The following BRSK1 variants were observed in gnomAD, a reference collection of about 807,000 sequenced individuals.
The protein encoded by BRSK1 is serine/threonine-protein kinase BRSK1.
Under a neutral mutation model 86.2 loss-of-function variants are expected in BRSK1, and 17 were observed. That is an observed-to-expected ratio of 0.20 (90% CI 0.14 to 0.30). BRSK1 has a LOEUF of 0.30. BRSK1 is among the 10% of genes least tolerant of loss of function. The probability of loss-of-function intolerance (pLI) is 1.00; values close to 1 mark genes in which losing one functional copy is unlikely to be tolerated. For synonymous variants in BRSK1, 464 were observed against 440.1 expected, an observed-to-expected ratio of 1.05 and a Z score of -0.68; for missense variants, 719 against 1,071.9, an observed-to-expected ratio of 0.67 and a Z score of 4.60.
At chr19:55,305,093 G>A (rs1359339494) in intron 14 of BRSK1, among the ~76,000 whole-genome samples, 173 bp downstream of exon 14, 3 of 152,144 alleles carry the variant, frequency 2.0e-5, no homozygotes, top group Admixed American at 1.3e-4. Flanking sequence ...GGAGAGAGGT[G>A]GGGCCTCTAG....
chr19:55,300,695 C>T (rs779500634), intron 7 of BRSK1, among the ~76,000 whole-genome samples: 9 of 152,102 alleles, frequency 5.9e-5, no homozygotes, highest in Non-Finnish European at 8.8e-5. Flanking sequence ...AAAAATTAGC[C>T]GGGCATAGTG....
At chr19:55,298,199 T>G (rs1346589786) in intron 7 of BRSK1, among the ~76,000 whole-genome samples, 2 of 149,644 alleles carry the variant, frequency 1.3e-5, no homozygotes, top group East Asian at 2.0e-4. Context: ...TTCTTTTTTT[T>G]TTGTTTCTTC....
intron 7 of BRSK1, among the ~76,000 whole-genome samples, chr19:55,298,806 C>T (rs574721380): frequency 1.3e-5 from 2 of 152,146 alleles, no homozygotes; most frequent in African/African-American, 2.4e-5. Context: ...TCTGAAGTGC[C>T]GTCTGGTGTT....
In BRSK1 at chr19:55,311,984, A is replaced by G. The variant is rs1268352123; in HGVS notation, c.2253A>G (p.Pro751=). The change falls in exon 19 of 19, where the codon CCA becomes CCG. Residue 751 remains proline, a synonymous_variant. Transcript: ENST00000309383. ...PRSLQPPPGR[P]DPELSSSPRR... ...GCCTGCAGCCCCCACCCGGCCGCCC[A>G]GACCCAGAGCTGAGCAGCTCTCCCC... is the stretch of plus-strand genomic sequence containing the variant. The G allele has an allele frequency of 1.5e-6, 2 of 1,305,872 alleles. No homozygotes were observed. The highest frequency in any genetic ancestry group is 1.7e-5 in the African/African-American group (1 of 60,290). 80.9% of individuals were successfully genotyped at this position (1,305,872 alleles called of 1,614,324 possible). A position where few individuals can be genotyped will look rare whatever the true frequency, so the allele number is the denominator to read the frequency against.
intron 4 of BRSK1, among the ~76,000 whole-genome samples, chr19:55,291,040 C>T (rs956500814): frequency 2.0e-5 from 3 of 152,038 alleles, no homozygotes; most frequent in African/African-American, 7.3e-5. Flanking sequence ...AGTTATAGCT[C>T]TTGCATTTAG....
At chr19:55,291,908 G>A (rs943750591) in intron 4 of BRSK1, among the ~76,000 whole-genome samples, 1 of 152,024 alleles carries the variant, frequency 6.6e-6, no homozygotes, top group African/African-American at 2.4e-5. Flanking sequence ...ACAGGCACCC[G>A]CCACCATGCC....
chr19:55,299,586 A>G (rs1461734154), intron 7 of BRSK1, among the ~76,000 whole-genome samples: 1 of 152,068 alleles, frequency 6.6e-6, no homozygotes, highest in Non-Finnish European at 1.5e-5. Flanking sequence ...GGGTTTCACC[A>G]CGTTGGCCAG....
In BRSK1 at chr19:55,305,575, G is replaced by A; in HGVS notation, c.1879G>A (p.Ala627Thr). 6.2e-7 allele frequency: 1 copy of A among 1,614,154 alleles called. No homozygotes were observed. ...LSSIKADIVH[A>T]FLSIPSLSHS... Reference sequence around the variant, plus strand: ...CAGCATCAAAGCAGACATCGTCCATGCCTTTCTGTCGGTGAGGGGCCTGGG... The same window carrying A: ...CAGCATCAAAGCAGACATCGTCCATACCTTTCTGTCGGTGAGGGGCCTGGG... Residue 627 changes from alanine (A) to threonine (T), a missense_variant, in exon 16 of 19, where the codon GCC becomes ACC. By Grantham distance (58) the Ala-to-Thr change is moderately conservative. This residue lies in a region of BRSK1 where 180 missense variants were observed against 259.4 expected (regional missense o/e 0.69). Transcript: ENST00000309383.
At chr19:55,286,304 C>T (rs1293323727) in intron 1 of BRSK1, among the ~76,000 whole-genome samples, 1 of 151,598 alleles carries the variant, frequency 6.6e-6, no homozygotes, top group Non-Finnish European at 1.5e-5. Flanking sequence ...AGGGGCTAGT[C>T]AGGGCTAGGT....
At position 55,303,483 on chromosome 19, in the gene BRSK1, T is replaced by C; in HGVS notation, c.1126+75T>C. 6.5e-7 allele frequency: 1 copy of C among 1,532,718 alleles called. No homozygotes were observed. Among genetic ancestry groups the C allele is most frequent in the South Asian group, 1.1e-5 (1 of 89,120 alleles). The allele number at this position is 1,532,718 out of a possible 1,614,324, so 94.9% of individuals were successfully genotyped here. On this transcript the variant is annotated intron_variant, in intron 11 of 18. Coordinates refer to ENST00000309383, the MANE Select transcript of BRSK1 (RefSeq NM_032430.2). This position sits in a 1 kb window ranked among gnomAD's most constrained non-coding sequence, Gnocchi z 5.1. ...GAGGCTGGCCACGGGGACCCCAGAT[T>C]CCCAAGGAAAGAAGGGGCTGCAGGC... is the stretch of plus-strand genomic sequence containing the variant.
rs558396095 is a variant in BRSK1 at position 55,287,838 on chromosome 19, T to C, written c.317+539T>C. ...GGAAGGATGGGGGTGGGGGTCCAGC[T>C]GTCCAGACTCCAGAGAATGGGCCTC... On this transcript the variant is annotated intron_variant, in intron 3 of 18. Coordinates refer to ENST00000309383, the MANE Select transcript of BRSK1 (RefSeq NM_032430.2). This position sits in a 1 kb window ranked among gnomAD's most constrained non-coding sequence, Gnocchi z 5.3. Among the ~76,000 whole-genome samples, 1 of 152,360 alleles carries C rather than the reference T, an allele frequency of 6.6e-6. No individual in the cohort carries two copies. The highest frequency in any genetic ancestry group is 1.9e-4 in the East Asian group (1 of 5,186).
chr19:55,301,456 TGCTTGTGGTGAGGG>T lies in BRSK1; in HGVS notation c.679-55_679-42del. 4.4e-6 allele frequency: 7 copies of T among 1,579,078 alleles called. No individual in the cohort carries two copies. The East Asian group carries it at 1.6e-4, about 36-fold the overall frequency. ...GATCACCGTAGTTCCCCACCTCCAG[TGCTTGTGGTGAGGG>T]TGAAATGTGCTAATGAGGGGTCCTG... is the stretch of plus-strand genomic sequence containing the variant. On this transcript the variant is annotated intron_variant, in intron 7 of 18. Coordinates refer to ENST00000309383, the MANE Select transcript of BRSK1 (RefSeq NM_032430.2).
intron 14 of BRSK1, 104 bp downstream of exon 14, chr19:55,305,024 G>T: frequency 6.6e-7 from 1 of 1,507,642 alleles, no homozygotes; most frequent in Non-Finnish European, 8.9e-7. Context: ...AAGGGACTGG[G>T]GGCCTGGATT....
At chr19:55,295,552 A>G (rs1164362510) in intron 7 of BRSK1, among the ~76,000 whole-genome samples, 1 of 152,230 alleles carries the variant, frequency 6.6e-6, no homozygotes, top group Non-Finnish European at 1.5e-5. Flanking sequence ...AAAAGATAAA[A>G]GAACTATGGG....
intron 7 of BRSK1, among the ~76,000 whole-genome samples, chr19:55,300,907 G>A (rs2088560960): frequency 6.6e-6 from 1 of 152,122 alleles, no homozygotes; most frequent in Admixed American, 6.5e-5. Context: ...GAGGCTCTAG[G>A]GAAGGATCCT....
In BRSK1 at chr19:55,304,479, T is replaced by C; in HGVS notation, c.1348-72T>C. On this transcript the variant is annotated intron_variant, in intron 13 of 18. Transcript: ENST00000309383. This position sits in a 1 kb window ranked among gnomAD's most constrained non-coding sequence, Gnocchi z 5.2. ...CCGGGCCAGCGTCCGTGAGTGTGCG[T>C]GTGAGTGGGGCTCCTAGAGCCTCCT... 3 of 1,456,002 alleles carry C rather than the reference T, an allele frequency of 2.1e-6. No homozygotes were observed. The highest frequency in any genetic ancestry group is 2.7e-6 in the Non-Finnish European group (3 of 1,099,314). 90.2% of individuals were successfully genotyped at this position (1,456,002 alleles called of 1,614,324 possible). A position where few individuals can be genotyped will look rare whatever the true frequency, so the allele number is the denominator to read the frequency against.
chr19:55,302,033 C>T lies in BRSK1; in HGVS notation c.826-104C>T. The T allele has an allele frequency of 2.3e-6, 3 of 1,285,794 alleles. No individual in the cohort carries two copies. Among genetic ancestry groups the T allele is most frequent in the Admixed American group, 1.7e-5 (1 of 59,606 alleles). The allele number at this position is 1,285,794 out of a possible 1,614,324, so 79.6% of individuals were successfully genotyped here. A position where few individuals can be genotyped will look rare whatever the true frequency, so the allele number is the denominator to read the frequency against. ...GTCATCCTGCCCCCGGTGGGGTGGG[C>T]GGGGAGATGATCAGGGACCCCAAAA... On this transcript the variant is annotated intron_variant, in intron 8 of 18. Transcript: ENST00000309383. This position sits in a 1 kb window ranked among gnomAD's most constrained non-coding sequence, Gnocchi z 6.3.
rs1295743812 is a variant in BRSK1 at position 55,310,648 on chromosome 19, G to A, written c.2180-1263G>A. Among the ~76,000 whole-genome samples, 6 of 152,152 alleles carry A rather than the reference G, an allele frequency of 3.9e-5. No homozygotes were observed. The East Asian group carries it at 1.2e-3, about 29-fold the overall frequency. Reference sequence around the variant, plus strand: ...TGGCCTCTTGTAGGTGGAGGCCAGGGATGCTGTAAAACACCCTACAATTCA... The same window carrying A: ...TGGCCTCTTGTAGGTGGAGGCCAGGAATGCTGTAAAACACCCTACAATTCA... On this transcript the variant is annotated intron_variant, in intron 18 of 18. Coordinates refer to ENST00000309383, the MANE Select transcript of BRSK1 (RefSeq NM_032430.2). This position sits in a 1 kb window ranked among gnomAD's most constrained non-coding sequence, Gnocchi z 5.0.
At chr19:55,285,041 GT>G (rs2088289160) in intron 1 of BRSK1, among the ~76,000 whole-genome samples, 1 of 149,424 alleles carries the variant, frequency 6.7e-6, no homozygotes, top group Non-Finnish European at 1.5e-5. Context: ...GGGGCTGGGG[GT>G]CTGGACTTCT....
Sources: gnomAD v4.1 joint callset for allele counts (sites outside exome capture counted in the v4.1 genomes callset) on GRCh38, gnomAD v4.1.1 for gene constraint, gnomAD v4.1.1 regional missense constraint, Gnocchi (gnomAD v3.1) non-coding constraint, MANE v1.5 for transcripts, NCBI Gene and HGNC (gene_info 2026-07-23, HGNC 2026-07-21) for gene names.